Variants in TRPM3 observed in about 807,000 individuals in gnomAD.
TRPM3 encodes the protein long transient receptor potential channel 3.
In TRPM3, 77 loss-of-function variants were observed where a neutral mutation model predicts 181.2. The ratio of observed to expected loss-of-function variants is 0.42; its 90% CI spans 0.35 to 0.51. TRPM3 has a LOEUF of 0.51. Ranked by LOEUF, TRPM3 falls within the 20% of genes least tolerant of loss-of-function variation. The probability of loss-of-function intolerance (pLI) is 0.01; values close to 1 mark genes in which losing one functional copy is unlikely to be tolerated. For synonymous variants in TRPM3, 745 were observed against 796.4 expected (o/e 0.94, Z 1.09); for missense variants, 1,759 against 2,196.7 (o/e 0.80, Z 3.98).
chr9:71,145,217 TA>T (rs1350991872), intron 1 of TRPM3, among the ~76,000 whole-genome samples: 1 of 152,038 alleles, frequency 6.6e-6, no homozygotes, highest in African/African-American at 2.4e-5. Context: ...AAAAGGATAT[TA>T]AAAAAATATA....
intron 6 of TRPM3, among the ~76,000 whole-genome samples, chr9:70,803,205 A>G (rs2089713873): frequency 6.6e-6 from 1 of 152,056 alleles, no homozygotes; most frequent in Non-Finnish European, 1.5e-5. Flanking sequence ...GCATCCTTGC[A>G]TCCTTGACAG....
intron 1 of TRPM3, among the ~76,000 whole-genome samples, chr9:71,148,829 C>T (rs1316471804): frequency 6.6e-6 from 1 of 151,730 alleles, no homozygotes; most frequent in African/African-American, 2.4e-5. Flanking sequence ...TAGCTCTAGG[C>T]TAAGAAAACA....
chr9:71,225,749 T>C (rs2131872525), intron 1 of TRPM3, among the ~76,000 whole-genome samples: 1 of 152,124 alleles, frequency 6.6e-6, no homozygotes, highest in East Asian at 1.9e-4. Flanking sequence ...CCCCGCCTCC[T>C]GGGTTCAAAT....
chr9:70,662,745 A>G (rs1008017160), intron 9 of TRPM3, among the ~76,000 whole-genome samples: 1 of 107,356 alleles, frequency 9.3e-6, no homozygotes, highest in Non-Finnish European at 1.9e-5. Context: ...AGAACAATAG[A>G]TGTTGGTGTG....
intron 1 of TRPM3, among the ~76,000 whole-genome samples, chr9:71,107,296 T>C (rs1464676438): frequency 1.3e-5 from 2 of 152,186 alleles, no homozygotes; most frequent in East Asian, 3.9e-4. Context: ...TTGCCTGTAC[T>C]GCACCACTGT....
intron 1 of TRPM3, among the ~76,000 whole-genome samples, chr9:71,103,989 A>C (rs1188505162): frequency 6.6e-6 from 1 of 152,008 alleles, no homozygotes; most frequent in Non-Finnish European, 1.5e-5. Context: ...ATCTCGGCTA[A>C]CTGCAACGTC....
chr9:71,350,409 G>T (rs2091555108), intron 1 of TRPM3, among the ~76,000 whole-genome samples: 1 of 152,146 alleles, frequency 6.6e-6, no homozygotes, highest in African/African-American at 2.4e-5. Context: ...CAATGACAAT[G>T]CAGATTCTAA....
chr9:70,900,887 T>C (rs893873443), intron 1 of TRPM3, among the ~76,000 whole-genome samples: 2 of 152,230 alleles, frequency 1.3e-5, no homozygotes, highest in Non-Finnish European at 1.5e-5. Context: ...ATATCTTCCT[T>C]CTGGATCAGA....
At chr9:71,439,269 AT>A (rs1368282474) in intron 1 of TRPM3, among the ~76,000 whole-genome samples, 1 of 152,238 alleles carries the variant, frequency 6.6e-6, no homozygotes, top group African/African-American at 2.4e-5. Flanking sequence ...ATTAAAGACC[AT>A]AAACAACATC....
chr9:70,632,937 G>A (rs2066153805), intron 12 of TRPM3, among the ~76,000 whole-genome samples: 1 of 152,196 alleles, frequency 6.6e-6, no homozygotes, highest in Non-Finnish European at 1.5e-5. Flanking sequence ...AAACAATATT[G>A]CAAAGCAGAG....
intron 1 of TRPM3, among the ~76,000 whole-genome samples, chr9:71,175,973 G>A (rs1325916616): frequency 6.6e-6 from 1 of 152,048 alleles, no homozygotes; most frequent in African/African-American, 2.4e-5. Context: ...ATTGTGCAAT[G>A]CATTACTCAC....
At chr9:71,222,191 A>G (rs1213147062) in intron 1 of TRPM3, among the ~76,000 whole-genome samples, 1 of 152,238 alleles carries the variant, frequency 6.6e-6, no homozygotes. Context: ...GACTAAAAAT[A>G]TAATAATAAA....
chr9:70,917,721 A>G (rs2096615229), intron 1 of TRPM3, among the ~76,000 whole-genome samples: 1 of 151,996 alleles, frequency 6.6e-6, no homozygotes. Flanking sequence ...ACAGGAATGA[A>G]GAAAAGAAGT....
intron 1 of TRPM3, among the ~76,000 whole-genome samples, chr9:71,338,601 T>C (rs1377630400): frequency 6.6e-6 from 1 of 152,006 alleles, no homozygotes; most frequent in African/African-American, 2.4e-5. Context: ...AGAAGAGATA[T>C]GGAAAATGTA....
At position 71,333,313 on chromosome 9, in the gene TRPM3, C is replaced by T. The variant is rs2090341428; in HGVS notation, c.183+113340G>A. Among the ~76,000 whole-genome samples, 3 of 151,920 alleles carry T rather than the reference C, an allele frequency of 2.0e-5. No homozygotes were observed. In the South Asian group the frequency reaches 6.2e-4, roughly 31 times the overall value. ...ACTCAGCAGTACGAAATTGACTTCT[C>T]AAATAGCTCCCAATAGCATTCATGC... On this transcript the variant is annotated intron_variant, in intron 1 of 24. Transcript: ENST00000357533.
chr9:71,205,222 C>T (rs1471298992), intron 1 of TRPM3, among the ~76,000 whole-genome samples: 1 of 145,800 alleles, frequency 6.9e-6, no homozygotes, highest in Non-Finnish European at 1.5e-5. Context: ...AAAAGTAATG[C>T]ACGAATGTTT....
chr9:70,673,949 C>CAAAAAA (rs5898160), intron 9 of TRPM3, among the ~76,000 whole-genome samples: 2 of 89,642 alleles, frequency 2.2e-5, no homozygotes, highest in Non-Finnish European at 4.0e-5. Context: ...AACTCCATCT[C>CAAAAAA]AAAAAAAAAA....
intron 6 of TRPM3, chr9:70,826,583 C>G (rs1186155487): frequency 6.6e-6 from 1 of 152,198 alleles, no homozygotes; most frequent in African/African-American, 2.4e-5. Flanking sequence ...GAAGGAGAAG[C>G]TGTGGTCTGA....
chr9:70,739,068 T>G (rs1395340084), intron 8 of TRPM3, among the ~76,000 whole-genome samples: 1 of 152,126 alleles, frequency 6.6e-6, no homozygotes, highest in Admixed American at 6.5e-5. Flanking sequence ...GAAGAATGGG[T>G]ACCAATCCTA....
Sources: gnomAD v4.1 joint callset for allele counts (sites outside exome capture counted in the v4.1 genomes callset) on GRCh38, gnomAD v4.1.1 for gene constraint, MANE v1.5 for transcripts, NCBI Gene and HGNC (gene_info 2026-07-23, HGNC 2026-07-21) for gene names.